HHAT: variants seen among roughly 807,000 people sequenced by gnomAD.
HHAT encodes the protein hedgehog acyltransferase.
HHAT carries 47 observed loss-of-function variants against 70.8 expected under a neutral mutation model. The ratio of observed to expected loss-of-function variants is 0.66; its 90% CI spans 0.53 to 0.85. The LOEUF is 0.85. Among genes scored for constraint, HHAT ranks in the 40% least tolerant of loss-of-function variants. The probability of loss-of-function intolerance (pLI) is 0.00; values close to 1 mark genes in which losing one functional copy is unlikely to be tolerated. For synonymous variants in HHAT, 228 were observed against 247.6 expected, an observed-to-expected ratio of 0.92 and a Z score of 0.74; for missense variants, 609 against 604.8, an observed-to-expected ratio of 1.01 and a Z score of -0.07.
chr1:210,597,040 A>T (rs1322980474), intron 10 of HHAT, among the ~76,000 whole-genome samples: 1 of 152,198 alleles, frequency 6.6e-6, no homozygotes, highest in African/African-American at 2.4e-5. Flanking sequence ...TATTTGCATT[A>T]CGGGGCACCC....
At position 210,348,933 on chromosome 1, in the gene HHAT, A is replaced by C; in HGVS notation, c.-43A>C. 6.2e-7 allele frequency: 1 copy of C among 1,604,198 alleles called. No individual in the cohort carries two copies. The highest frequency in any genetic ancestry group is 1.1e-5 in the South Asian group (1 of 89,082). ...TTAAAGTTTTGTCTCTGTTTCTCAG[A>C]AACTCTCAGCGTAGGCATCGGGAAC... On this transcript the variant is annotated splice_region_variant and 5_prime_UTR_variant, in exon 2 of 12. Coordinates refer to ENST00000261458, the MANE Select transcript of HHAT (RefSeq NM_018194.6).
At chr1:210,594,665 T>G (rs1462089705) in intron 10 of HHAT, among the ~76,000 whole-genome samples, 1 of 152,188 alleles carries the variant, frequency 6.6e-6, no homozygotes, top group African/African-American at 2.4e-5. Context: ...TTCAGATGAT[T>G]TCTTACTCCT....
intron 9 of HHAT, among the ~76,000 whole-genome samples, chr1:210,520,946 T>C (rs1263908220): frequency 6.6e-6 from 1 of 152,182 alleles, no homozygotes; most frequent in Non-Finnish European, 1.5e-5. Context: ...TCAGGACTAG[T>C]GGAAATGCAA....
At chr1:210,603,110 T>C (rs1223213341) in intron 10 of HHAT, among the ~76,000 whole-genome samples, 3 of 152,254 alleles carry the variant, frequency 2.0e-5, no homozygotes, top group Non-Finnish European at 2.9e-5. Context: ...GGCCTTCTGC[T>C]GCCTTTGCTC....
intron 4 of HHAT, among the ~76,000 whole-genome samples, chr1:210,395,810 G>A (rs1228838660): frequency 6.6e-6 from 1 of 152,108 alleles, no homozygotes; most frequent in East Asian, 1.9e-4. Context: ...TGATCTCAAG[G>A]TTAAATCCCA....
intron 4 of HHAT, among the ~76,000 whole-genome samples, chr1:210,397,902 G>T (rs2091880984): frequency 6.6e-6 from 1 of 152,176 alleles, no homozygotes; most frequent in South Asian, 2.1e-4. Flanking sequence ...GTGCCCTAAG[G>T]GCTACCTCTA....
intron 9 of HHAT, among the ~76,000 whole-genome samples, chr1:210,549,414 T>C (rs1553267084): frequency 6.7e-6 from 1 of 148,586 alleles, no homozygotes; most frequent in Non-Finnish European, 1.5e-5. Flanking sequence ...TCAGAGTCCA[T>C]GGTTCTCTGA....
At chr1:210,592,006 T>G (rs953263610) in intron 10 of HHAT, among the ~76,000 whole-genome samples, 2 of 152,152 alleles carry the variant, frequency 1.3e-5, no homozygotes, top group African/African-American at 2.4e-5. Flanking sequence ...GTTGATTGTT[T>G]CCTTTACTGT....
intron 9 of HHAT, among the ~76,000 whole-genome samples, chr1:210,554,005 C>G (rs2095550742): frequency 6.6e-6 from 1 of 152,158 alleles, no homozygotes; most frequent in Non-Finnish European, 1.5e-5. Flanking sequence ...AGTGGACAGG[C>G]TACATTTCTG....
intron 8 of HHAT, among the ~76,000 whole-genome samples, chr1:210,502,794 ACTTT>A (rs1258007738): frequency 6.6e-6 from 1 of 152,242 alleles, no homozygotes; most frequent in African/African-American, 2.4e-5. Context: ...GTTTAGAATT[ACTTT>A]AACAGAATTT....
intron 11 of HHAT, among the ~76,000 whole-genome samples, chr1:210,660,039 A>C (rs547489653): frequency 3.8e-4 from 58 of 152,336 alleles, no homozygotes; most frequent in African/African-American, 1.3e-3. Context: ...CACCACTCCT[A>C]TTCAACATAG....
chr1:210,568,109 G>C (rs1655218607), intron 9 of HHAT, among the ~76,000 whole-genome samples: 1 of 152,230 alleles, frequency 6.6e-6, no homozygotes, highest in Non-Finnish European at 1.5e-5. Context: ...GGGAACGGGA[G>C]AGTGGCTGAA....
At chr1:210,645,637 G>T (rs986729374) in intron 11 of HHAT, among the ~76,000 whole-genome samples, 2 of 152,202 alleles carry the variant, frequency 1.3e-5, no homozygotes, top group African/African-American at 2.4e-5. Flanking sequence ...TTCGCACTGC[G>T]AGGTGTATGC....
At chr1:210,391,657 G>A (rs1434801150) in intron 4 of HHAT, among the ~76,000 whole-genome samples, 2 of 152,172 alleles carry the variant, frequency 1.3e-5, no homozygotes, top group Non-Finnish European at 1.5e-5. Flanking sequence ...AAATTCATTA[G>A]TAATCAAACA....
At chr1:210,362,943 T>C (rs1254189533) in intron 3 of HHAT, 24 bp downstream of exon 3, 2 of 1,542,832 alleles carry the variant, frequency 1.3e-6, no homozygotes, top group African/African-American at 1.4e-5. Flanking sequence ...GCATAATAAA[T>C]CTCAGTTTTC....
intron 9 of HHAT, among the ~76,000 whole-genome samples, chr1:210,556,604 C>T (rs1459003129): frequency 6.6e-6 from 1 of 152,174 alleles, no homozygotes. Context: ...CCTTTGGGCC[C>T]AGAGTGGCCT....
In HHAT at chr1:210,573,592, T is replaced by C. The variant is rs954928230; in HGVS notation, c.1044-14306T>C. Among the ~76,000 whole-genome samples, 3 of 152,228 alleles carry C rather than the reference T, an allele frequency of 2.0e-5. No homozygotes were observed. In the East Asian group the frequency reaches 5.8e-4, roughly 29 times the overall value. ...CTTGAGTACTTTAATTTTAAAAACATGTAACCCTGGAGTTTTGCTTTGTGG... is the reference window on the plus strand; with the variant it reads ...CTTGAGTACTTTAATTTTAAAAACACGTAACCCTGGAGTTTTGCTTTGTGG... On this transcript the variant is annotated intron_variant, in intron 9 of 11. Coordinates refer to ENST00000261458, the MANE Select transcript of HHAT (RefSeq NM_018194.6).
chr1:210,425,317 AGTTT>A (rs2093029664), intron 7 of HHAT, among the ~76,000 whole-genome samples: 1 of 152,152 alleles, frequency 6.6e-6, no homozygotes, highest in South Asian at 2.1e-4. Context: ...CTCTGTTGAT[AGTTT>A]GTTTTGCTGT....
chr1:210,435,915 C>A (rs1273431909), intron 7 of HHAT, among the ~76,000 whole-genome samples: 1 of 151,692 alleles, frequency 6.6e-6, no homozygotes, highest in African/African-American at 2.4e-5. Context: ...TGTGGGATGT[C>A]TCTTCACTTT....
Sources: allele counts gnomAD v4.1 joint callset (sites outside exome capture counted in the v4.1 genomes callset), GRCh38; gene constraint gnomAD v4.1.1; transcripts MANE v1.5; gene names NCBI Gene and HGNC (gene_info 2026-07-23, HGNC 2026-07-21).